The following ADAM29 variants were observed in gnomAD, a reference collection of about 807,000 sequenced individuals.
The protein encoded by ADAM29 is disintegrin and metalloproteinase domain-containing protein 29.
For synonymous variants in ADAM29, 367 were observed against 342.3 expected (o/e 1.07, Z -0.80); for missense variants, 969 against 1,001.8 (o/e 0.97, Z 0.44).
In ADAM29 at chr4:174,920,691, C is replaced by T. The variant is rs1027206898; in HGVS notation, c.-552C>T. ...TAATTGTTTCCATTCCCATAGCTTG[C>T]TGGATGAATAAAGGAAAGAAGGTTT... is the stretch of plus-strand genomic sequence containing the variant. On this transcript the variant is annotated 5_prime_UTR_variant, in exon 2 of 5. Transcript: ENST00000359240. 2 of 151,964 alleles carry T rather than the reference C, an allele frequency of 1.3e-5. No homozygotes were observed. The highest frequency in any genetic ancestry group is 2.4e-5 in the African/African-American group (1 of 41,388). 9.4% of individuals were successfully genotyped at this position (151,964 alleles called of 1,614,324 possible).
chr4:174,961,352 G>A (rs1174893148), intron 4 of ADAM29, among the ~76,000 whole-genome samples: 2 of 151,244 alleles, frequency 1.3e-5, no homozygotes, highest in African/African-American at 4.8e-5. Context: ...TATTAAATAT[G>A]AGAGTTCTCT....
At chr4:174,934,190 T>C (rs1347896629) in intron 3 of ADAM29, among the ~76,000 whole-genome samples, 1 of 152,100 alleles carries the variant, frequency 6.6e-6, no homozygotes, top group East Asian at 1.9e-4. Context: ...TCTCATTGTG[T>C]TTTTGATTTG....
chr4:174,962,587 A>G (rs1745905121), intron 4 of ADAM29, among the ~76,000 whole-genome samples: 1 of 151,992 alleles, frequency 6.6e-6, no homozygotes, highest in Non-Finnish European at 1.5e-5. Context: ...GTAACTGATG[A>G]CAATATATTG....
chr4:174,968,362 G>A (rs749820101), intron 4 of ADAM29, among the ~76,000 whole-genome samples: 5 of 152,128 alleles, frequency 3.3e-5, no homozygotes, highest in Non-Finnish European at 7.3e-5. Flanking sequence ...TAAGGCTCTA[G>A]CACTGCAGCA....
chr4:174,933,429 G>A (rs916943504), intron 3 of ADAM29, among the ~76,000 whole-genome samples: 4 of 152,068 alleles, frequency 2.6e-5, no homozygotes, highest in Non-Finnish European at 5.9e-5. Context: ...TTTGTGATAT[G>A]TTAAATCATA....
chr4:174,926,958 A>G (rs536272831), intron 2 of ADAM29, among the ~76,000 whole-genome samples: 1 of 151,964 alleles, frequency 6.6e-6, no homozygotes, highest in Non-Finnish European at 1.5e-5. Context: ...TAGGCAAAAT[A>G]TTTCAGCAGA....
intron 3 of ADAM29, among the ~76,000 whole-genome samples, chr4:174,935,084 AG>A (rs1292349114): frequency 1.3e-5 from 2 of 152,136 alleles, no homozygotes; most frequent in Non-Finnish European, 2.9e-5. Flanking sequence ...AGCTATGAAG[AG>A]CGTGAGCTGC....
At chr4:174,935,789 T>C (rs1252043083) in intron 3 of ADAM29, among the ~76,000 whole-genome samples, 1 of 152,078 alleles carries the variant, frequency 6.6e-6, no homozygotes. Flanking sequence ...AATAGAAAGA[T>C]GTAGACTTCT....
intron 4 of ADAM29, among the ~76,000 whole-genome samples, chr4:174,970,265 T>C (rs1746397224): frequency 6.6e-6 from 1 of 152,108 alleles, no homozygotes; most frequent in African/African-American, 2.4e-5. Context: ...CATGGTAAAG[T>C]GAATTAAGGT....
chr4:174,936,777 A>G (rs906776278), intron 3 of ADAM29, among the ~76,000 whole-genome samples, 156 bp from the exon 4 acceptor site: 30 of 151,930 alleles, frequency 2.0e-4, no homozygotes, highest in Admixed American at 6.6e-5. Flanking sequence ...ATTTTTTTCA[A>G]TTAAGCTCAT....
chr4:174,959,437 G>T (rs1444359760), intron 4 of ADAM29, among the ~76,000 whole-genome samples: 4 of 149,166 alleles, frequency 2.7e-5, no homozygotes, highest in Non-Finnish European at 6.0e-5. Context: ...TCCTACTGTG[G>T]TTTGTGTGTA....
chr4:174,923,719 A>C (rs1743323191), intron 2 of ADAM29: 1 of 151,926 alleles, frequency 6.6e-6, no homozygotes, highest in Non-Finnish European at 1.5e-5. Context: ...TTCAGCAACA[A>C]CATAAGAAAG....
At chr4:174,928,248 C>T (rs1413661545) in intron 2 of ADAM29, among the ~76,000 whole-genome samples, 3 of 152,102 alleles carry the variant, frequency 2.0e-5, no homozygotes, top group African/African-American at 7.2e-5. Flanking sequence ...GCCCTGCTTT[C>T]AGACCATTGC....
At chr4:174,936,233 C>A (rs1428100351) in intron 3 of ADAM29, among the ~76,000 whole-genome samples, 1 of 152,040 alleles carries the variant, frequency 6.6e-6, no homozygotes, top group South Asian at 2.1e-4. Context: ...AATGTAATTT[C>A]GACTTGAATT....
chr4:174,925,807 A>T (rs1298922401), intron 2 of ADAM29, among the ~76,000 whole-genome samples: 2 of 152,234 alleles, frequency 1.3e-5, no homozygotes, highest in African/African-American at 4.8e-5. Context: ...AAAATTGATG[A>T]TAATAATTGC....
At chr4:174,939,367 T>G (rs1744393868) in intron 4 of ADAM29, among the ~76,000 whole-genome samples, 1 of 152,172 alleles carries the variant, frequency 6.6e-6, no homozygotes, top group Admixed American at 6.6e-5. Flanking sequence ...AGAAATCATC[T>G]AGAATAAGGA....
rs182863649 is a variant in ADAM29 at position 174,934,365 on chromosome 4, T to C, written c.-261-2568T>C. On this transcript the variant is annotated intron_variant, in intron 3 of 4. Transcript: ENST00000359240. ...TATCATAAAGTTTGTAGTTTCTCATTTGCTGATAATTTCAGTATCAGAAAT... is the reference window on the plus strand; with the variant it reads ...TATCATAAAGTTTGTAGTTTCTCATCTGCTGATAATTTCAGTATCAGAAAT... 2.5e-3 allele frequency among the ~76,000 whole-genome samples: 378 copies of C among 152,260 alleles called. 2 individuals are homozygous for C. The Middle Eastern group carries it at 0.027, about 11-fold the overall frequency.
intron 3 of ADAM29, among the ~76,000 whole-genome samples, chr4:174,934,553 T>C (rs1444133672): frequency 6.6e-6 from 1 of 152,212 alleles, no homozygotes; most frequent in African/African-American, 2.4e-5. Context: ...ATTTTAACGC[T>C]GATATTGCAG....
chr4:174,942,900 C>T (rs780018453), intron 4 of ADAM29, among the ~76,000 whole-genome samples: 1 of 152,122 alleles, frequency 6.6e-6, no homozygotes, highest in Non-Finnish European at 1.5e-5. Context: ...AATTTCAGAC[C>T]ATCTCTTTGT....
Sources: allele counts gnomAD v4.1 joint callset (sites outside exome capture counted in the v4.1 genomes callset), GRCh38; gene constraint gnomAD v4.1.1; transcripts MANE v1.5; gene names NCBI Gene and HGNC (gene_info 2026-07-23, HGNC 2026-07-21).